Variants in OR10J1 observed in about 807,000 individuals in gnomAD.
OR10J1 encodes olfactory receptor family 10 subfamily J member 1.
For synonymous variants in OR10J1, 202 were observed against 143.8 expected (o/e 1.40, Z -2.89); for missense variants, 474 against 376.6 (o/e 1.26, Z -2.14).
chr1:159,415,820 G>A, the OR10J1 span, among the ~76,000 whole-genome samples: 17 of 151,662 alleles, frequency 1.1e-4, no homozygotes, highest in African/African-American at 3.9e-4. Context: ...ATTTATGAAC[G>A]AGACATCTTT....
chr1:159,437,689 C>A (rs531302168), upstream of OR10J1, among the ~76,000 whole-genome samples: 2 of 50,098 alleles, frequency 4.0e-5, no homozygotes, highest in Non-Finnish European at 2.2e-4. Context: ...GTACCTGATA[C>A]CTGCATCCTC....
the OR10J1 span, among the ~76,000 whole-genome samples, chr1:159,420,129 A>G: frequency 1.3e-5 from 2 of 152,150 alleles, no homozygotes; most frequent in African/African-American, 4.8e-5. Flanking sequence ...GTCTGATATA[A>G]GTATAGTTTT....
Position 159,440,443 on chromosome 1 carries a change from G to C in OR10J1, c.652G>C (p.Val218Leu). Reference protein sequence around the residue: ...VPMGLVFISYVLIISTILKIA... With the variant: ...VPMGLVFISYLLIISTILKIA... ...TATGGGTCTGGTTTTCATTTCTTAT[G>C]TTCTCATTATCTCTACAATCCTCAA... The change falls in exon 1 of 1, where the codon GTT becomes CTT. Residue 218 changes from valine (V) to leucine (L), a missense_variant. Physicochemically the swap from Val to Leu is conservative, Grantham distance 32 (BLOSUM62 1). Coordinates refer to ENST00000423932, the MANE Select transcript of OR10J1 (RefSeq NM_012351.3). 6.2e-7 allele frequency: 1 copy of C among 1,614,076 alleles called. No homozygotes were observed. The highest frequency in any genetic ancestry group is 8.5e-7 in the Non-Finnish European group (1 of 1,180,022).
chr1:159,420,562 CA>C, the OR10J1 span, among the ~76,000 whole-genome samples: 1 of 152,078 alleles, frequency 6.6e-6, no homozygotes, highest in South Asian at 2.1e-4. Context: ...ATAGGACTCC[CA>C]TAGGACTCCC....
At chr1:159,406,641 A>T in the OR10J1 span, among the ~76,000 whole-genome samples, 7 of 152,140 alleles carry the variant, frequency 4.6e-5, no homozygotes, top group African/African-American at 9.6e-5. Context: ...TTAAGAAAAC[A>T]GCTACCCTAC....
the OR10J1 span, among the ~76,000 whole-genome samples, chr1:159,399,820 A>G: frequency 6.6e-6 from 1 of 152,118 alleles, no homozygotes; most frequent in Admixed American, 6.5e-5. Context: ...TTTTCAAGAC[A>G]TAATCAGTAC....
the OR10J1 span, among the ~76,000 whole-genome samples, chr1:159,431,350 A>T: frequency 6.6e-6 from 1 of 152,168 alleles, no homozygotes; most frequent in Non-Finnish European, 1.5e-5. Context: ...ACAGAGATGG[A>T]GCAAGTTTTG....
At chr1:159,420,712 G>C in the OR10J1 span, among the ~76,000 whole-genome samples, 1 of 151,576 alleles carries the variant, frequency 6.6e-6, no homozygotes, top group Non-Finnish European at 1.5e-5. Flanking sequence ...TCAGCACTTT[G>C]AATACATCAT....
chr1:159,435,497 A>G (rs1421520532), upstream of OR10J1, among the ~76,000 whole-genome samples: 1 of 152,226 alleles, frequency 6.6e-6, no homozygotes, highest in Non-Finnish European at 1.5e-5. Flanking sequence ...TAGTACAACT[A>G]TTATTATCCA....
At chr1:159,401,995 AT>A in the OR10J1 span, among the ~76,000 whole-genome samples, 2 of 151,976 alleles carry the variant, frequency 1.3e-5, no homozygotes, top group Non-Finnish European at 2.9e-5. Context: ...GGACAAAACC[AT>A]ATGATCATTT....
At chr1:159,411,971 T>C in the OR10J1 span, among the ~76,000 whole-genome samples, 1 of 152,138 alleles carries the variant, frequency 6.6e-6, no homozygotes, top group African/African-American at 2.4e-5. Flanking sequence ...CTTAAGCTGA[T>C]AAGCAACTTC....
the OR10J1 span, among the ~76,000 whole-genome samples, chr1:159,403,162 A>G: frequency 6.6e-6 from 1 of 152,186 alleles, no homozygotes; most frequent in Admixed American, 6.6e-5. Context: ...AACTGCTACA[A>G]GAAAACATTG....
the OR10J1 span, among the ~76,000 whole-genome samples, chr1:159,416,349 T>A: frequency 6.6e-6 from 1 of 152,008 alleles, no homozygotes; most frequent in Non-Finnish European, 1.5e-5. Flanking sequence ...TGCTCAGGTA[T>A]GATCTTTCTT....
At chr1:159,402,188 A>T in the OR10J1 span, among the ~76,000 whole-genome samples, 1 of 152,076 alleles carries the variant, frequency 6.6e-6, no homozygotes, top group Non-Finnish European at 1.5e-5. Context: ...CTTTCCTGTA[A>T]GATCTGCAAC....
the OR10J1 span, among the ~76,000 whole-genome samples, chr1:159,429,245 T>C: frequency 6.6e-6 from 1 of 152,212 alleles, no homozygotes; most frequent in Admixed American, 6.5e-5. Flanking sequence ...GTGTTCCCAG[T>C]TTCTGCTGTA....
At chr1:159,402,641 G>A in the OR10J1 span, among the ~76,000 whole-genome samples, 1 of 151,970 alleles carries the variant, frequency 6.6e-6, no homozygotes, top group Admixed American at 6.6e-5. Flanking sequence ...AAGATTCCAT[G>A]TTTATGGGTG....
chr1:159,416,202 G>A, the OR10J1 span, among the ~76,000 whole-genome samples: 16 of 151,846 alleles, frequency 1.1e-4, no homozygotes, highest in South Asian at 2.1e-4. Context: ...CTCTGGCTGC[G>A]ACTTCTATTA....
chr1:159,404,139 G>A, the OR10J1 span, among the ~76,000 whole-genome samples: 87 of 152,132 alleles, frequency 5.7e-4, no homozygotes, highest in African/African-American at 2.0e-3. Flanking sequence ...GGGAGGTGGG[G>A]ATTGTAAATG....
At chr1:159,423,273 A>G in the OR10J1 span, among the ~76,000 whole-genome samples, 1 of 152,108 alleles carries the variant, frequency 6.6e-6, no homozygotes, top group Non-Finnish European at 1.5e-5. Context: ...CACACAATAT[A>G]TCTTCTTTCC....
Sources: allele counts gnomAD v4.1 joint callset (sites outside exome capture counted in the v4.1 genomes callset), GRCh38; gene constraint gnomAD v4.1.1; transcripts MANE v1.5; gene names NCBI Gene and HGNC (gene_info 2026-07-23, HGNC 2026-07-21).